Variants in DNAH6 observed in about 807,000 individuals in gnomAD.
DNAH6 encodes dynein axonemal heavy chain 6.
Under a neutral mutation model 491.4 loss-of-function variants are expected in DNAH6, and 340 were observed. The ratio of observed to expected loss-of-function variants is 0.69; its 90% CI spans 0.63 to 0.76. DNAH6 has a LOEUF of 0.76. Ranked by LOEUF, DNAH6 falls within the 30% of genes least tolerant of loss-of-function variation. The pLI, the probability that DNAH6 is intolerant of heterozygous loss-of-function variation, is 0.00. For missense variants in DNAH6, 4,443 were observed against 4,972.2 expected (o/e 0.89, Z 3.20); for synonymous variants, 1,603 against 1,686.1 (o/e 0.95, Z 1.21).
intron 33 of DNAH6, among the ~76,000 whole-genome samples, chr2:84,645,781 T>C (rs1379083125): frequency 1.3e-5 from 2 of 152,174 alleles, no homozygotes; most frequent in Non-Finnish European, 2.9e-5. Context: ...CTCCACCCCA[T>C]GACTGGATGC....
intron 64 of DNAH6, 139 bp downstream of exon 64, chr2:84,763,084 A>G (rs1674743063): frequency 6.0e-6 from 4 of 666,152 alleles, no homozygotes; most frequent in Admixed American, 3.2e-5. Context: ...AAGATATGTT[A>G]ATAGTTAGCT....
intron 13 of DNAH6, among the ~76,000 whole-genome samples, chr2:84,578,661 C>T (rs1230601875): frequency 6.6e-6 from 1 of 152,174 alleles, no homozygotes; most frequent in Non-Finnish European, 1.5e-5. Context: ...GAGTACACGT[C>T]TCTCTCAGCC....
rs1460811007 is a variant in DNAH6, at chr2:84,753,258, T to C, written c.10512+8009T>C. ...TATCATGCAGTTGTAAAAGGTTTTT[T>C]TTAATATCCTAGCTACAAGTTTCTT... is the stretch of plus-strand genomic sequence containing the variant. On this transcript the variant is annotated intron_variant, in intron 63 of 76. Transcript: ENST00000389394. Among the ~76,000 whole-genome samples, 4 of 152,208 alleles carry C rather than the reference T, an allele frequency of 2.6e-5. No homozygotes were observed. In the East Asian group the frequency reaches 7.7e-4, roughly 29 times the overall value.
intron 41 of DNAH6, among the ~76,000 whole-genome samples, chr2:84,677,980 G>A (rs554113982): frequency 6.6e-6 from 1 of 152,250 alleles, no homozygotes; most frequent in Non-Finnish European, 1.5e-5. Context: ...GACGTGGACA[G>A]TGATGCCCAA....
intron 68 of DNAH6, among the ~76,000 whole-genome samples, chr2:84,796,101 G>A (rs186962196): frequency 6.6e-4 from 101 of 152,224 alleles, no homozygotes; most frequent in African/African-American, 2.3e-3. Flanking sequence ...AATGAGAGTA[G>A]AGTACATATA....
At chr2:84,802,633 CACTGACAACATTAG>C (rs1441472758) in intron 70 of DNAH6, among the ~76,000 whole-genome samples, 1 of 152,122 alleles carries the variant, frequency 6.6e-6, no homozygotes, top group Non-Finnish European at 1.5e-5. Context: ...TTCAACACTC[CACTGACAACATTAG>C]ATCATCAAGG....
chr2:84,798,988 CT>C (rs34678148), intron 70 of DNAH6, among the ~76,000 whole-genome samples: 20,962 of 136,278 alleles, frequency 0.15, 1,059 homozygotes, highest in African/African-American at 0.17. Flanking sequence ...TTTTTCTTTC[CT>C]TTTTTTTTTT....
Position 84,722,512 on chromosome 2 carries a change from C to G in DNAH6, c.9793-113C>G, listed in dbSNP as rs925303293. Reference sequence around the variant, plus strand: ...CCACCTGGGGACCCCTTATTATAATCACCAACTCATTCTATCCTTATTTCT... The same window carrying G: ...CCACCTGGGGACCCCTTATTATAATGACCAACTCATTCTATCCTTATTTCT... On this transcript the variant is annotated intron_variant, in intron 59 of 76. Coordinates refer to ENST00000389394, the MANE Select transcript of DNAH6 (RefSeq NM_001370.2). The G allele has an allele frequency of 5.6e-6, 5 of 890,066 alleles. No homozygotes were observed. The African/African-American group carries it at 8.8e-5, about 16-fold the overall frequency. The allele number at this position is 890,066 out of a possible 1,614,324, so 55.1% of individuals were successfully genotyped here.
At chr2:84,764,653 T>C (rs1445646488) in intron 64 of DNAH6, among the ~76,000 whole-genome samples, 2 of 152,196 alleles carry the variant, frequency 1.3e-5, no homozygotes, top group African/African-American at 4.8e-5. Flanking sequence ...GTCCTTTTTT[T>C]ATAATTTCAA....
intron 33 of DNAH6, among the ~76,000 whole-genome samples, chr2:84,645,162 G>A (rs1403643350): frequency 6.6e-6 from 1 of 152,150 alleles, no homozygotes; most frequent in African/African-American, 2.4e-5. Context: ...GCTCATGCCT[G>A]TAATCCCAAC....
intron 33 of DNAH6, 83 bp from the exon 34 acceptor site, chr2:84,653,236 C>T (rs1690625153): frequency 8.8e-7 from 1 of 1,133,260 alleles, no homozygotes; most frequent in Non-Finnish European, 1.2e-6. Flanking sequence ...CAATAAGACT[C>T]ATAATATTTC....
In DNAH6 at chr2:84,579,654, T is replaced by G; in HGVS notation, c.2204T>G (p.Leu735Ter). 1.3e-6 allele frequency: 2 copies of G among 1,589,490 alleles called. No individual in the cohort carries two copies. Among genetic ancestry groups the G allele is most frequent in the East Asian group, 4.5e-5 (2 of 44,304 alleles). The part of the protein sequence containing the change: ...TTTTEYVHSL[L>*]FLDEIQERIE... ...ACCACAGAATATGTTCATAGCTTAT[T>G]ATTTCTTGATGAAATTCAGGAACGG... Residue 735 changes from leucine (L) to a stop codon, truncating the protein, a stop_gained, in exon 14 of 77, where the codon TTA becomes TGA. Transcript: ENST00000389394. LOFTEE classifies it high-confidence loss of function.
rs564478439 is a variant in DNAH6 at position 84,650,706 on chromosome 2, G to T, written c.5079-2613G>T. ...GTTCAAGGCCAGCCTGGGCAGTATAGTGAGACCCTATCCCTTAAGAAATAA... is the reference window on the plus strand; with the variant it reads ...GTTCAAGGCCAGCCTGGGCAGTATATTGAGACCCTATCCCTTAAGAAATAA... On this transcript the variant is annotated intron_variant, in intron 33 of 76. Coordinates refer to ENST00000389394, the MANE Select transcript of DNAH6 (RefSeq NM_001370.2). Among the ~76,000 whole-genome samples, 538 of 152,262 alleles carry T rather than the reference G, an allele frequency of 3.5e-3. 1 individual carries two copies. Among genetic ancestry groups the T allele is most frequent in the African/African-American group, 0.012 (490 of 41,538 alleles).
the DNAH6 span, among the ~76,000 whole-genome samples, chr2:84,474,024 C>T: frequency 1.3e-5 from 2 of 152,058 alleles, no homozygotes; most frequent in Non-Finnish European, 2.9e-5. Flanking sequence ...TATCTATTTG[C>T]TGGTTCTTTA....
At chr2:84,493,668 T>C in the DNAH6 span, among the ~76,000 whole-genome samples, 31 of 152,228 alleles carry the variant, frequency 2.0e-4, no homozygotes, top group African/African-American at 6.7e-4. Flanking sequence ...TAAAAAGTTA[T>C]GTAAATGAGT....
At chr2:84,460,196 A>G in the DNAH6 span, among the ~76,000 whole-genome samples, 1 of 152,356 alleles carries the variant, frequency 6.6e-6, no homozygotes, top group Non-Finnish European at 1.5e-5. Flanking sequence ...GGTAGTCATT[A>G]TAATTGGCAC....
intron 64 of DNAH6, among the ~76,000 whole-genome samples, chr2:84,770,314 GC>G (rs1327984519): frequency 1.3e-5 from 2 of 151,976 alleles, no homozygotes; most frequent in African/African-American, 4.8e-5. Flanking sequence ...AAAATACAAA[GC>G]ATCCAAAGAC....
chr2:84,709,649 T>A, intron 55 of DNAH6, 103 bp downstream of exon 55: 1 of 1,254,650 alleles, frequency 8.0e-7, no homozygotes. Context: ...GAGATTTAGA[T>A]TTAACATACA....
At chr2:84,675,944 A>T (rs112190247) in intron 40 of DNAH6, among the ~76,000 whole-genome samples, 95 of 152,246 alleles carry the variant, frequency 6.2e-4, no homozygotes, top group African/African-American at 2.1e-3. Flanking sequence ...ATTTTTAAGA[A>T]CATTGATTTA....
Sources: gnomAD v4.1 joint callset for allele counts (sites outside exome capture counted in the v4.1 genomes callset) on GRCh38, gnomAD v4.1.1 for gene constraint, MANE v1.5 for transcripts, NCBI Gene and HGNC (gene_info 2026-07-23, HGNC 2026-07-21) for gene names.